LEMD1: variants seen among roughly 807,000 people sequenced by gnomAD.
The protein encoded by LEMD1 is LEM domain containing 1.
Under a neutral mutation model 17.4 loss-of-function variants are expected in LEMD1, and 18 were observed. The ratio of observed to expected loss-of-function variants is 1.04; its 90% CI spans 0.72 to 1.54. LEMD1 has a LOEUF of 1.54. Among genes scored for constraint, LEMD1 ranks in the 40% most tolerant of loss-of-function variants. The pLI is 0.00. For missense variants in LEMD1, 195 were observed against 210.4 expected (o/e 0.93, Z 0.45); for synonymous variants, 88 against 77.8 (o/e 1.13, Z -0.69).
upstream of LEMD1, among the ~76,000 whole-genome samples, chr1:205,424,988 C>T (rs2102449167): frequency 6.6e-6 from 1 of 152,302 alleles, no homozygotes; most frequent in East Asian, 1.9e-4. Flanking sequence ...GAGAGGAAGA[C>T]ACACGATTCA....
rs1665909255 is a variant in LEMD1, at chr1:205,420,446, T to C, written c.82+9A>G. On this transcript the variant is annotated intron_variant, in intron 2 of 5. Transcript: ENST00000367153. The stretch of plus-strand genomic sequence containing the variant: ...CAAGTCTGTAATATTTGCTGCATAC[T>C]GTACATACGTAGTATTGGGCCAGGT... 2 of 1,605,770 alleles carry C rather than the reference T, an allele frequency of 1.2e-6. No individual in the cohort carries two copies. The highest frequency in any genetic ancestry group is 2.7e-5 in the African/African-American group (2 of 74,716).
intron 4 of LEMD1, among the ~76,000 whole-genome samples, chr1:205,395,804 A>T (rs1465183604): frequency 6.6e-6 from 1 of 152,170 alleles, no homozygotes; most frequent in Non-Finnish European, 1.5e-5. Flanking sequence ...AAAGGTAAAC[A>T]ACCTAATAAA....
intron 4 of LEMD1, among the ~76,000 whole-genome samples, chr1:205,393,512 C>T (rs1416896698): frequency 6.6e-6 from 1 of 151,788 alleles, no homozygotes; most frequent in Non-Finnish European, 1.5e-5. Context: ...ACCATCTGTA[C>T]TAAAAATACA....
chr1:205,427,364 G>A (rs1009904496), intron 1 of LEMD1, among the ~76,000 whole-genome samples: 1 of 151,714 alleles, frequency 6.6e-6, no homozygotes, highest in Admixed American at 6.6e-5. Flanking sequence ...TCATGACTGG[G>A]GCATCTCCCC....
chr1:205,395,954 C>T (rs553096612), intron 4 of LEMD1, among the ~76,000 whole-genome samples: 1 of 151,982 alleles, frequency 6.6e-6, no homozygotes, highest in South Asian at 2.1e-4. Flanking sequence ...ACCCACCACA[C>T]TGACAAAAAT....
chr1:205,411,522 C>T (rs1305537698), intron 4 of LEMD1, among the ~76,000 whole-genome samples: 2 of 139,374 alleles, frequency 1.4e-5, no homozygotes, highest in East Asian at 2.2e-4. Flanking sequence ...TGCCACTGCA[C>T]TCCAGCCTAG....
intron 1 of LEMD1, among the ~76,000 whole-genome samples, chr1:205,431,770 G>A (rs1427678756): frequency 1.3e-5 from 2 of 152,082 alleles, no homozygotes; most frequent in Admixed American, 1.3e-4. Context: ...AGGCTGGAGT[G>A]CAGTGGTGCG....
intron 5 of LEMD1, among the ~76,000 whole-genome samples, chr1:205,383,929 C>G (rs969887820): frequency 3.3e-5 from 5 of 152,026 alleles, no homozygotes; most frequent in African/African-American, 9.6e-5. Flanking sequence ...AGCCACCGCA[C>G]CCGGCCTTAT....
chr1:205,446,255 A>G (rs947755254), intron 1 of LEMD1, among the ~76,000 whole-genome samples: 1 of 152,210 alleles, frequency 6.6e-6, no homozygotes, highest in African/African-American at 2.4e-5. Context: ...TAGAATGGAG[A>G]TCCACCTTTG....
intron 1 of LEMD1, among the ~76,000 whole-genome samples, chr1:205,432,328 C>T (rs1435915614): frequency 1.3e-5 from 2 of 152,220 alleles, no homozygotes; most frequent in African/African-American, 2.4e-5. Context: ...GGTCTCCCAC[C>T]GGCTTGGGCC....
intron 4 of LEMD1, among the ~76,000 whole-genome samples, chr1:205,407,983 C>T (rs1216123672): frequency 6.6e-6 from 1 of 152,130 alleles, no homozygotes; most frequent in African/African-American, 2.4e-5. Flanking sequence ...AATGAATGGC[C>T]TGTACTCTTG....
At chr1:205,432,075 A>G (rs542946220) in intron 1 of LEMD1, among the ~76,000 whole-genome samples, 1 of 152,300 alleles carries the variant, frequency 6.6e-6, no homozygotes, top group African/African-American at 2.4e-5. Context: ...GTCCCAGGCA[A>G]TGTGGTGGGG....
intron 1 of LEMD1, among the ~76,000 whole-genome samples, chr1:205,443,745 G>A (rs1666335942): frequency 6.6e-6 from 1 of 152,210 alleles, no homozygotes; most frequent in Non-Finnish European, 1.5e-5. Context: ...ATGCCCCGGA[G>A]GCTGCCTGGG....
intron 1 of LEMD1, among the ~76,000 whole-genome samples, chr1:205,429,175 C>T (rs990713577): frequency 2.6e-5 from 4 of 152,234 alleles, no homozygotes; most frequent in African/African-American, 9.6e-5. Flanking sequence ...CTCCAATGAC[C>T]TAGAGAGTAT....
intron 4 of LEMD1, among the ~76,000 whole-genome samples, chr1:205,394,662 G>A (rs146895440): frequency 0.013 from 2,031 of 152,212 alleles, 39 homozygotes; most frequent in African/African-American, 0.045. Flanking sequence ...TGGGATTACA[G>A]GCATGAGCCA....
intron 4 of LEMD1, among the ~76,000 whole-genome samples, chr1:205,403,313 T>G (rs1331410146): frequency 6.6e-6 from 1 of 152,036 alleles, no homozygotes; most frequent in Non-Finnish European, 1.5e-5. Context: ...AGAATTTGGC[T>G]GTGAATCCAT....
intron 1 of LEMD1, among the ~76,000 whole-genome samples, chr1:205,446,882 C>T (rs550229055): frequency 3.6e-4 from 55 of 152,328 alleles, no homozygotes; most frequent in African/African-American, 1.3e-3. Flanking sequence ...CCAGCAAAAA[C>T]CCAGCTGGCT....
intron 1 of LEMD1, among the ~76,000 whole-genome samples, chr1:205,438,207 G>T (rs1020985306): frequency 6.6e-6 from 1 of 152,158 alleles, no homozygotes; most frequent in African/African-American, 2.4e-5. Context: ...GGGGAAAACT[G>T]GCCCCCTCAC....
chr1:205,445,774 C>G (rs1413828383), intron 1 of LEMD1, among the ~76,000 whole-genome samples: 1 of 152,206 alleles, frequency 6.6e-6, no homozygotes, highest in Non-Finnish European at 1.5e-5. Flanking sequence ...GCAGCAGCAG[C>G]TGGGAACCTG....
Sources: gnomAD v4.1 joint callset for allele counts (sites outside exome capture counted in the v4.1 genomes callset) on GRCh38, gnomAD v4.1.1 for gene constraint, MANE v1.5 for transcripts, NCBI Gene and HGNC (gene_info 2026-07-23, HGNC 2026-07-21) for gene names.